KREMEN1: variants seen among roughly 807,000 people sequenced by gnomAD.
KREMEN1 encodes kremen protein 1.
In KREMEN1, 30 loss-of-function variants were observed where a neutral mutation model predicts 46.5. The observed-to-expected ratio is 0.65, with a 90% CI of 0.48 to 0.88. The LOEUF is 0.88. Among genes scored for constraint, KREMEN1 ranks in the 40% least tolerant of loss-of-function variants. The pLI, the probability that KREMEN1 is intolerant of heterozygous loss-of-function variation, is 0.00. For synonymous variants in KREMEN1, 214 were observed against 230.6 expected, an observed-to-expected ratio of 0.93 and a Z score of 0.65; for missense variants, 533 against 596.9, an observed-to-expected ratio of 0.89 and a Z score of 1.11.
intron 3 of KREMEN1, among the ~76,000 whole-genome samples, chr22:29,118,770 TC>T (rs770814166): frequency 3.9e-5 from 6 of 152,148 alleles, no homozygotes; most frequent in Non-Finnish European, 7.3e-5. Context: ...AAAAACCTTT[TC>T]CCATACATTC....
chr22:29,142,330 G>A lies in KREMEN1; in HGVS notation c.*218G>A, dbSNP rs992506146. ...TGCTTCATCGATTGCACTTAGGAGA[G>A]AGACTCAAAGCCCTGGGGCCCGGCC... On this transcript the variant is annotated 3_prime_UTR_variant, in exon 9 of 9. Coordinates refer to ENST00000400335, the MANE Select transcript of KREMEN1 (RefSeq NM_001039570.3). 19 of 1,253,490 alleles carry A rather than the reference G, an allele frequency of 1.5e-5. No individual in the cohort carries two copies. Among genetic ancestry groups the A allele is most frequent in the Middle Eastern group, 3.1e-4 (1 of 3,278 alleles). 77.6% of individuals were successfully genotyped at this position (1,253,490 alleles called of 1,614,324 possible). A position where few individuals can be genotyped will look rare whatever the true frequency, so the allele number is the denominator to read the frequency against.
At position 29,143,278 on chromosome 22, in the gene KREMEN1, C is replaced by T. The variant is rs1910327923; in HGVS notation, c.*1166C>T. On this transcript the variant is annotated 3_prime_UTR_variant, in exon 9 of 9. Transcript: ENST00000400335. The stretch of plus-strand genomic sequence containing the variant: ...CTTTATCAGCCTTGCCACTGAGCAG[C>T]TCATGGTCCTATGGAACCTGAGCCA... 8 of 985,486 alleles carry T rather than the reference C, an allele frequency of 8.1e-6. No individual in the cohort carries two copies. Among genetic ancestry groups the T allele is most frequent in the Non-Finnish European group, 9.6e-6 (8 of 829,940 alleles). The allele number at this position is 985,486 out of a possible 1,614,324, so 61.0% of individuals were successfully genotyped here. A position where few individuals can be genotyped will look rare whatever the true frequency, so the allele number is the denominator to read the frequency against.
At chr22:29,123,347 A>T (rs78558196) in intron 4 of KREMEN1, among the ~76,000 whole-genome samples, 14 of 140,034 alleles carry the variant, frequency 1.0e-4, no homozygotes, top group Admixed American at 2.8e-4. Context: ...GTGTAAAATT[A>T]AAAAAAAAAA....
intron 3 of KREMEN1, among the ~76,000 whole-genome samples, chr22:29,118,807 A>T (rs1405373583): frequency 2.6e-5 from 4 of 152,186 alleles, no homozygotes. Flanking sequence ...AACACCAGAT[A>T]TAGGGATTTG....
chr22:29,168,024 A>G (rs368553433), exon 10 of KREMEN1: 16 of 152,424 alleles, frequency 1.0e-4, no homozygotes, highest in African/African-American at 3.8e-4. Context: ...TGCAAGGTCC[A>G]GTATGAAATA....
chr22:29,156,254 G>A (rs2038960342), intron 9 of KREMEN1, among the ~76,000 whole-genome samples: 1 of 152,224 alleles, frequency 6.6e-6, no homozygotes, highest in African/African-American at 2.4e-5. Context: ...AGAAGCTTTG[G>A]GCCAGCAGAA....
intron 2 of KREMEN1, among the ~76,000 whole-genome samples, 183 bp downstream of exon 2, chr22:29,094,603 ACACAC>A (rs1569316098): frequency 4.2e-5 from 6 of 144,268 alleles, no homozygotes; most frequent in African/African-American, 1.4e-4. Flanking sequence ...ACACACACAC[ACACAC>A]ACACACAATT....
At chr22:29,106,250 T>G (rs2038057623) in intron 3 of KREMEN1, among the ~76,000 whole-genome samples, 2 of 151,366 alleles carry the variant, frequency 1.3e-5, no homozygotes, top group Admixed American at 6.6e-5. Context: ...AGACAGAGTC[T>G]CACTCTGTCA....
chr22:29,163,775 G>A (rs2039031639), intron 9 of KREMEN1, among the ~76,000 whole-genome samples: 1 of 152,162 alleles, frequency 6.6e-6, no homozygotes, highest in Admixed American at 6.6e-5. Flanking sequence ...AAGGGGGGAA[G>A]GGAGAGAAGG....
chr22:29,080,906 G>T lies in KREMEN1; in HGVS notation c.97+7679G>T, dbSNP rs376550503. ...CCAAAATGTCAGTAGCACTGAGGTT[G>T]AGAAACCCCGTCCTGATTGTATTAT... On this transcript the variant is annotated intron_variant, in intron 1 of 8. Coordinates refer to ENST00000400335, the MANE Select transcript of KREMEN1 (RefSeq NM_001039570.3). 2.8e-5 allele frequency among the ~76,000 whole-genome samples: 4 copies of T among 144,762 alleles called. No individual in the cohort carries two copies. In the East Asian group the frequency reaches 6.3e-4, roughly 23 times the overall value. The allele number at this position is 144,762 out of a possible 152,430, so 95.0% of individuals were successfully genotyped here.
chr22:29,126,675 A>G (rs1403361755), intron 5 of KREMEN1, among the ~76,000 whole-genome samples: 2 of 152,192 alleles, frequency 1.3e-5, no homozygotes, highest in African/African-American at 2.4e-5. Context: ...CACTATATAT[A>G]TGGTGACTAT....
intron 3 of KREMEN1, among the ~76,000 whole-genome samples, chr22:29,113,603 A>G (rs1479663565): frequency 1.3e-5 from 2 of 152,192 alleles, no homozygotes; most frequent in African/African-American, 4.8e-5. Context: ...TGAGGTCCGT[A>G]TTGATTCTCA....
chr22:29,101,223 A>G (rs74690614), intron 3 of KREMEN1, among the ~76,000 whole-genome samples: 14,955 of 146,644 alleles, frequency 0.1, 1,288 homozygotes, highest in African/African-American at 0.23. Flanking sequence ...CTGCACTCCA[A>G]TCTGGGAAAC....
intron 3 of KREMEN1, among the ~76,000 whole-genome samples, chr22:29,113,487 T>A (rs1431355646): frequency 6.6e-6 from 1 of 152,270 alleles, no homozygotes; most frequent in Non-Finnish European, 1.5e-5. Context: ...AGCCTTATTG[T>A]ATATAATGAT....
intron 3 of KREMEN1, among the ~76,000 whole-genome samples, chr22:29,108,769 G>A (rs2038099564): frequency 6.6e-6 from 1 of 152,148 alleles, no homozygotes; most frequent in South Asian, 2.1e-4. Flanking sequence ...ACTGAACTCG[G>A]TGAACACAAG....
At chr22:29,157,430 T>A (rs563478110) in intron 9 of KREMEN1, among the ~76,000 whole-genome samples, 3 of 152,316 alleles carry the variant, frequency 2.0e-5, no homozygotes, top group East Asian at 3.9e-4. Context: ...CTCCACCTCC[T>A]GGGTTCAGGT....
chr22:29,087,351 G>A (rs376550638), intron 1 of KREMEN1, among the ~76,000 whole-genome samples: 6 of 152,042 alleles, frequency 3.9e-5, no homozygotes, highest in African/African-American at 1.4e-4. Context: ...ACTCTCATAA[G>A]CATCATATGT....
In KREMEN1 at chr22:29,105,478, T is replaced by TACACACACACACACACAC. The variant is rs10642386; in HGVS notation, c.352+6542_352+6559dup. 2.1e-3 allele frequency among the ~76,000 whole-genome samples: 309 copies of TACACACACACACACACAC among 146,998 alleles called. 3 individuals carry two copies. In the South Asian group the frequency reaches 0.028, roughly 13 times the overall value. On this transcript the variant is annotated intron_variant, in intron 3 of 8. Transcript: ENST00000400335. ...GTGCGTGTGCGCACACACACACACA[T>TACACACACACACACACAC]ACACACACACACACACACACACACA... is the stretch of plus-strand genomic sequence containing the variant.
intron 7 of KREMEN1, 132 bp downstream of exon 7, chr22:29,138,914 C>A: frequency 1.5e-6 from 2 of 1,305,836 alleles, no homozygotes; most frequent in Non-Finnish European, 1.1e-6. Flanking sequence ...GGCTCTGTGA[C>A]CTATAGTCTG....
Sources: allele counts gnomAD v4.1 joint callset (sites outside exome capture counted in the v4.1 genomes callset), GRCh38; gene constraint gnomAD v4.1.1; transcripts MANE v1.5; gene names NCBI Gene and HGNC (gene_info 2026-07-23, HGNC 2026-07-21).